PPEF2: variants seen among roughly 807,000 people sequenced by gnomAD.
PPEF2 encodes the protein serine/threonine-protein phosphatase with EF-hands 2.
Under a neutral mutation model 84.7 loss-of-function variants are expected in PPEF2, and 84 were observed. The observed-to-expected ratio is 0.99, with a 90% confidence interval of 0.83 to 1.19. The LOEUF is 1.19. Ranked by LOEUF, PPEF2 falls within the 50% of genes most tolerant of loss-of-function variation. PPEF2 has a pLI of 0.00. For missense variants in PPEF2, 924 were observed against 937.5 expected (o/e 0.99, Z 0.19); for synonymous variants, 346 against 345.2 (o/e 1.00, Z -0.03).
At chr4:75,877,039 A>AAAGAAAGAAAGAAAG (rs149782164) in intron 10 of PPEF2, among the ~76,000 whole-genome samples, 360 of 135,600 alleles carry the variant, frequency 2.7e-3, no homozygotes, top group East Asian at 5.1e-3. Flanking sequence ...AGAAAGAAAG[A>AAAGAAAGAAAGAAAG]AAAGAAACAG....
rs1725004312 is a variant in PPEF2, at chr4:75,896,156, G to A, written c.55+115C>T. On this transcript the variant is annotated intron_variant, in intron 2 of 16. Coordinates refer to ENST00000286719, the MANE Select transcript of PPEF2 (RefSeq NM_006239.3). ...AGGAGAAGCTGACCTCTAAGAGCTG[G>A]CCTGAGGAGAAATTTAAGGGTTTTT... The A allele has an allele frequency of 2.6e-6, 3 of 1,132,958 alleles. No individual in the cohort carries two copies. The South Asian group carries it at 3.7e-5, about 14-fold the overall frequency. The allele number at this position is 1,132,958 out of a possible 1,614,324, so 70.2% of individuals were successfully genotyped here. A position where few individuals can be genotyped will look rare whatever the true frequency, so the allele number is the denominator to read the frequency against.
chr4:75,873,235 A>G lies in PPEF2; in HGVS notation c.1398T>C (p.Tyr466=). Residue 466 remains tyrosine (Y), a synonymous_variant, in exon 12 of 17, where the codon TAT becomes TAC. Transcript: ENST00000286719. ...ACTGTTGTGTCACATCAGGCCCAAA[A>G]TAACAGCCTCCTCCTCGAATAGTGT... The part of the protein sequence containing the change: ...KANTIRGGGC[Y]FGPDVTQQLL... 1.2e-6 allele frequency: 2 copies of G among 1,614,168 alleles called. No homozygotes were observed. The highest frequency in any genetic ancestry group is 1.7e-6 in the Non-Finnish European group (2 of 1,180,006).
In PPEF2 at chr4:75,860,554, A is replaced by G; in HGVS notation, c.*113T>C. 7.4e-7 allele frequency: 1 copy of G among 1,359,008 alleles called. No homozygotes were observed. Among genetic ancestry groups the G allele is most frequent in the Non-Finnish European group, 1.0e-6 (1 of 987,998 alleles). 84.2% of individuals were successfully genotyped at this position (1,359,008 alleles called of 1,614,324 possible). ...AAATACACAGGTGATTCTGATGCAT[A>G]TGGATAGGTAAATTTTCAGCATAAA... is the stretch of plus-strand genomic sequence containing the variant. On this transcript the variant is annotated 3_prime_UTR_variant, in exon 17 of 17. Coordinates refer to ENST00000286719, the MANE Select transcript of PPEF2 (RefSeq NM_006239.3).
intron 1 of PPEF2, among the ~76,000 whole-genome samples, chr4:75,899,180 G>C (rs780868519): frequency 6.6e-6 from 1 of 152,176 alleles, no homozygotes; most frequent in Non-Finnish European, 1.5e-5. Flanking sequence ...TTGTCACACA[G>C]AACAGGATTT....
intron 7 of PPEF2, among the ~76,000 whole-genome samples, chr4:75,885,964 G>A (rs904299991): frequency 4.6e-5 from 7 of 151,832 alleles, no homozygotes; most frequent in Admixed American, 6.6e-5. Flanking sequence ...AGCCGAGATC[G>A]TGCCATTGCA....
intron 16 of PPEF2, among the ~76,000 whole-genome samples, chr4:75,861,844 C>T (rs1186914086): frequency 1.4e-5 from 2 of 146,918 alleles, no homozygotes; most frequent in African/African-American, 2.5e-5. Flanking sequence ...CTCCTGACCT[C>T]GTGATCCACC....
At chr4:75,878,055 C>G (rs1452917669) in intron 10 of PPEF2, among the ~76,000 whole-genome samples, 2 of 152,210 alleles carry the variant, frequency 1.3e-5, no homozygotes, top group Non-Finnish European at 2.9e-5. Context: ...AAACTTGACT[C>G]TTGCTGCAGA....
intron 13 of PPEF2, among the ~76,000 whole-genome samples, chr4:75,870,830 G>A (rs1303487554): frequency 1.3e-5 from 2 of 151,954 alleles, no homozygotes; most frequent in African/African-American, 4.8e-5. Context: ...ATAACATTTT[G>A]TGGTTGTAAT....
chr4:75,867,011 G>A (rs1024667109), intron 14 of PPEF2, among the ~76,000 whole-genome samples: 1 of 152,114 alleles, frequency 6.6e-6, no homozygotes, highest in Non-Finnish European at 1.5e-5. Context: ...TCTTTTGCCA[G>A]TCTTATACTC....
chr4:75,901,672 G>C (rs1725127405), intron 1 of PPEF2, among the ~76,000 whole-genome samples: 2 of 152,234 alleles, frequency 1.3e-5, no homozygotes, highest in South Asian at 4.1e-4. Context: ...ATCACCAGCT[G>C]TCTTCTCCCC....
intron 5 of PPEF2, chr4:75,889,111 G>C (rs10009966): frequency 0.92 from 139,521 of 152,328 alleles, 64,908 homozygotes; most frequent in Non-Finnish European, 1. Flanking sequence ...ACTCAGGAGG[G>C]TGAGGCAGGA....
At chr4:75,868,196 G>T (rs925316192) in intron 13 of PPEF2, among the ~76,000 whole-genome samples, 1 of 150,340 alleles carries the variant, frequency 6.7e-6, no homozygotes, top group Non-Finnish European at 1.5e-5. Flanking sequence ...TGTCCCTGTA[G>T]TCCCAGATGC....
Position 75,891,847 on chromosome 4 carries a change from G to A in PPEF2, c.183+4C>T. ...AGGCGGCTCCGTCCCACATCTCATT[G>A]TACCTTGACTTGGTCTTGCTGCCCA... is the stretch of plus-strand genomic sequence containing the variant. On this transcript the variant is annotated splice_donor_region_variant and intron_variant, in intron 3 of 16. Coordinates refer to ENST00000286719, the MANE Select transcript of PPEF2 (RefSeq NM_006239.3). 3 of 1,610,222 alleles carry A rather than the reference G, an allele frequency of 1.9e-6. No homozygotes were observed. The highest frequency in any genetic ancestry group is 1.7e-6 in the Non-Finnish European group (2 of 1,176,782).
intron 10 of PPEF2, chr4:75,881,434 A>T (rs913606846): frequency 6.6e-6 from 1 of 151,916 alleles, no homozygotes; most frequent in Non-Finnish European, 1.5e-5. Context: ...GCCAAGCATG[A>T]TTGTGTGTGA....
intron 16 of PPEF2, 69 bp from the exon 17 acceptor site, chr4:75,860,989 T>C (rs1196653361): frequency 1.3e-6 from 2 of 1,541,266 alleles, no homozygotes; most frequent in African/African-American, 2.7e-5. Context: ...TCTGACATTC[T>C]TACAAGGACA....
chr4:75,886,444 A>G (rs1724727908), intron 7 of PPEF2, among the ~76,000 whole-genome samples: 1 of 152,082 alleles, frequency 6.6e-6, no homozygotes, highest in Non-Finnish European at 1.5e-5. Flanking sequence ...CTGACATTAA[A>G]CTGTTCGTAG....
In PPEF2 at chr4:75,883,157, G is replaced by A. The variant is rs201608150; in HGVS notation, c.783+9C>T. 4 of 1,613,646 alleles carry A rather than the reference G, an allele frequency of 2.5e-6. No homozygotes were observed. The highest frequency in any genetic ancestry group is 2.5e-6 in the Non-Finnish European group (3 of 1,179,826). On this transcript the variant is annotated intron_variant, in intron 9 of 16. Coordinates refer to ENST00000286719, the MANE Select transcript of PPEF2 (RefSeq NM_006239.3). ...CTGAGAGAAACTTTTGTCTTTAAAGGCAGCGCACCTTGTATTTATTCATCA... is the reference window on the plus strand; with the variant it reads ...CTGAGAGAAACTTTTGTCTTTAAAGACAGCGCACCTTGTATTTATTCATCA...
chr4:75,873,732 A>G (rs146943233), intron 11 of PPEF2, among the ~76,000 whole-genome samples: 2 of 152,342 alleles, frequency 1.3e-5, no homozygotes, highest in Non-Finnish European at 2.9e-5. Context: ...CATATTCACA[A>G]GACCCCAGAC....
intron 1 of PPEF2, among the ~76,000 whole-genome samples, chr4:75,898,319 C>T (rs1725053001): frequency 6.6e-6 from 1 of 152,220 alleles, no homozygotes; most frequent in South Asian, 2.1e-4. Flanking sequence ...TTTTGGGGGG[C>T]TTGTTCCCAA....
Sources: gnomAD v4.1 joint callset for allele counts (sites outside exome capture counted in the v4.1 genomes callset) on GRCh38, gnomAD v4.1.1 for gene constraint, MANE v1.5 for transcripts, NCBI Gene and HGNC (gene_info 2026-07-23, HGNC 2026-07-21) for gene names.